Variants in CALM3 observed in about 807,000 individuals in gnomAD.
The protein encoded by CALM3 is calmodulin 3.
CALM3 carries 5 observed loss-of-function variants against 20.1 expected under a neutral mutation model. The ratio of observed to expected loss-of-function variants is 0.25; its 90% CI spans 0.13 to 0.52. The LOEUF is 0.52. Ranked by LOEUF, CALM3 falls within the 20% of genes least tolerant of loss-of-function variation. CALM3 has a pLI of 0.96. For synonymous variants in CALM3, 69 were observed against 68.1 expected, an observed-to-expected ratio of 1.01 and a Z score of -0.06; for missense variants, 57 against 192.8, an observed-to-expected ratio of 0.30 and a Z score of 4.17.
chr19:46,607,495 C>T (rs151007345), intron 2 of CALM3, among the ~76,000 whole-genome samples: 169 of 152,308 alleles, frequency 1.1e-3, no homozygotes, highest in African/African-American at 3.5e-3. Context: ...GCCCCTGATG[C>T]GGCCCCAGCT....
Position 46,601,491 on chromosome 19 carries a change from G to A in CALM3, c.3+54G>A. ...TGCGGGCTCTGAGGCGGGCTTAACG[G>A]GGCAGGACCCCTGAGGGGGCGACAG... On this transcript the variant is annotated intron_variant, in intron 1 of 5. Coordinates refer to ENST00000291295, the MANE Select transcript of CALM3 (RefSeq NM_005184.4). This position sits in a 1 kb window ranked among gnomAD's most constrained non-coding sequence, Gnocchi z 4.2. 1 of 1,410,056 alleles carries A rather than the reference G, an allele frequency of 7.1e-7. No homozygotes were observed. Among genetic ancestry groups the A allele is most frequent in the Non-Finnish European group, 9.3e-7 (1 of 1,075,052 alleles). 87.3% of individuals were successfully genotyped at this position (1,410,056 alleles called of 1,614,324 possible).
rs907148095 is a variant in CALM3 at position 46,602,357 on chromosome 19, T to A, written c.3+920T>A. On this transcript the variant is annotated intron_variant, in intron 1 of 5. Transcript: ENST00000291295. ...TTTTAACGGGGTGGGAGTGTTGTGT[T>A]TGGGTCCAAGAGAAGATGGATTTCC... is the stretch of plus-strand genomic sequence containing the variant. The A allele has an allele frequency of 3.6e-5, 15 of 419,226 alleles. No individual in the cohort carries two copies. In the East Asian group the frequency reaches 1.5e-3, roughly 41 times the overall value. The allele number at this position is 419,226 out of a possible 1,614,324, so 26.0% of individuals were successfully genotyped here. A position where few individuals can be genotyped will look rare whatever the true frequency, so the allele number is the denominator to read the frequency against.
rs1396318230 is a variant in CALM3 at position 46,601,951 on chromosome 19, G to T, written c.3+514G>T. ...GTGGAGGGTAGCTGGGCCCGGGCGG[G>T]GAGGGGCGACCCCTGGGCTCCTGTG... On this transcript the variant is annotated intron_variant, in intron 1 of 5. Transcript: ENST00000291295. This position sits in a 1 kb window ranked among gnomAD's most constrained non-coding sequence, Gnocchi z 4.2. 8.4e-6 allele frequency: 4 copies of T among 474,690 alleles called. No individual in the cohort carries two copies. The highest frequency in any genetic ancestry group is 1.4e-5 in the Non-Finnish European group (4 of 287,840). The allele number at this position is 474,690 out of a possible 1,614,324, so 29.4% of individuals were successfully genotyped here.
rs1358246140 is a variant in CALM3 at position 46,608,454 on chromosome 19, C to A, written c.179-28C>A. ...TGTCTCTCAGGGCCCAGGCCAAGAG[C>A]ATTCTCCATCCTTTCCCCACCTTCC... On this transcript the variant is annotated intron_variant, in intron 3 of 5. Coordinates refer to ENST00000291295, the MANE Select transcript of CALM3 (RefSeq NM_005184.4). This position sits in a 1 kb window ranked among gnomAD's most constrained non-coding sequence, Gnocchi z 5.5. The A allele has an allele frequency of 3.1e-6, 5 of 1,609,536 alleles. No homozygotes were observed. The highest frequency in any genetic ancestry group is 1.3e-5 in the African/African-American group (1 of 74,956).
upstream of CALM3, chr19:46,601,188 G>T: frequency 2.4e-6 from 1 of 424,246 alleles, no homozygotes. This position sits in a 1 kb window ranked among gnomAD's most constrained non-coding sequence, Gnocchi z 4.2. Flanking sequence ...TGTGGAGCGG[G>T]GCGCGGAGGG....
rs1378294772 is a variant in CALM3 at position 46,610,690 on chromosome 19, TG to T, written c.*1538del. On this transcript the variant is annotated 3_prime_UTR_variant, in exon 6 of 6. Transcript: ENST00000291295. ...GGACATTTTCGGAATGTTTTGGTTT[TG>T]TTTTTTTTAAACCGGGCAATATTGT... 8.5e-5 allele frequency: 13 copies of T among 152,600 alleles called. No homozygotes were observed. Among genetic ancestry groups the T allele is most frequent in the African/African-American group, 3.1e-4 (13 of 41,414 alleles). 9.5% of individuals were successfully genotyped at this position (152,600 alleles called of 1,614,324 possible). A position where few individuals can be genotyped will look rare whatever the true frequency, so the allele number is the denominator to read the frequency against.
At chr19:46,602,009 C>A in intron 1 of CALM3, 1 of 962,414 alleles carries the variant, frequency 1.0e-6, no homozygotes, top group Non-Finnish European at 1.4e-6. Context: ...TGGGCGGTCA[C>A]TTCTACAGAT....
At chr19:46,601,229 G>A (rs1367411769), upstream of CALM3, 2 of 276,650 alleles carry the variant, frequency 7.2e-6, no homozygotes, top group African/African-American at 2.3e-5. This position sits in a 1 kb window ranked among gnomAD's most constrained non-coding sequence, Gnocchi z 4.2. Flanking sequence ...GGCGGCGCGC[G>A]GGCCGGGTGG....
Position 46,605,704 on chromosome 19 carries a change from C to T in CALM3, c.4-123C>T, listed in dbSNP as rs1971727970. The T allele has an allele frequency of 2.3e-6, 2 of 880,194 alleles. No homozygotes were observed. The highest frequency in any genetic ancestry group is 3.8e-5 in the Admixed American group (2 of 53,298). The allele number at this position is 880,194 out of a possible 1,614,324, so 54.5% of individuals were successfully genotyped here. A position where few individuals can be genotyped will look rare whatever the true frequency, so the allele number is the denominator to read the frequency against. ...AGACCCTGACTCTGGCATGCTCCTCCCTGGCCCGGCGGGAATGGCACGTGG... is the reference window on the plus strand; with the variant it reads ...AGACCCTGACTCTGGCATGCTCCTCTCTGGCCCGGCGGGAATGGCACGTGG... On this transcript the variant is annotated intron_variant, in intron 1 of 5. Transcript: ENST00000291295. The surrounding 1 kb of genome is among the most constrained non-coding windows in gnomAD (Gnocchi z 4.1).
chr19:46,608,258 G>A lies in CALM3; in HGVS notation c.96G>A (p.Glu32=). 1 of 1,614,132 alleles carries A rather than the reference G, an allele frequency of 6.2e-7. No individual in the cohort carries two copies. The highest frequency in any genetic ancestry group is 8.5e-7 in the Non-Finnish European group (1 of 1,179,978). The stretch of plus-strand genomic sequence containing the variant: ...GAGATGGCACTATCACCACCAAGGA[G>A]TTGGGGACAGTGATGAGATCCCTGG... ...KDGDGTITTK[E]LGTVMRSLGQ... is the part of the protein sequence containing the mutation. The change falls in exon 3 of 6, where the codon GAG becomes GAA. Residue 32 remains glutamate, a synonymous_variant. Coordinates refer to ENST00000291295, the MANE Select transcript of CALM3 (RefSeq NM_005184.4). This position sits in a 1 kb window ranked among gnomAD's most constrained non-coding sequence, Gnocchi z 5.5.
chr19:46,607,870 A>T (rs1187333293), intron 2 of CALM3: 3 of 225,072 alleles, frequency 1.3e-5, no homozygotes, highest in Non-Finnish European at 2.6e-5. Flanking sequence ...TTCAAGGGAG[A>T]AGTCAAAGCC....
intron 1 of CALM3, chr19:46,602,166 C>T (rs1213719070): frequency 4.4e-6 from 6 of 1,348,550 alleles, no homozygotes; most frequent in Non-Finnish European, 5.9e-6. Context: ...TGAAGGCTTC[C>T]GGGACGGAGA....
At chr19:46,606,401 G>T (rs936871101) in intron 2 of CALM3, 1 of 152,918 alleles carries the variant, frequency 6.5e-6, no homozygotes, top group African/African-American at 2.4e-5. Context: ...TCCCCTCGGG[G>T]AGGCCTTCCC....
Position 46,605,875 on chromosome 19 carries a change from C to G in CALM3, c.34+18C>G, listed in dbSNP as rs762004724. On this transcript the variant is annotated intron_variant, in intron 2 of 5. Transcript: ENST00000291295. The surrounding 1 kb of genome is among the most constrained non-coding windows in gnomAD (Gnocchi z 4.1). ...GATTGCAGGTGAGTCTGCTATCCCCCTCATCTTAGCTCAGGAAAGCCTCCA... is the reference window on the plus strand; with the variant it reads ...GATTGCAGGTGAGTCTGCTATCCCCGTCATCTTAGCTCAGGAAAGCCTCCA... 5.0e-6 allele frequency: 8 copies of G among 1,613,326 alleles called. No individual in the cohort carries two copies. The highest frequency in any genetic ancestry group is 6.8e-6 in the Non-Finnish European group (8 of 1,179,308).
At chr19:46,604,542 G>A (rs951258568) in intron 1 of CALM3, among the ~76,000 whole-genome samples, 3 of 124,806 alleles carry the variant, frequency 2.4e-5, no homozygotes, top group Admixed American at 9.0e-5. Context: ...TTCTTCTTCC[G>A]TTAGGTTTTT....
chr19:46,601,306 GC>G, upstream of CALM3: 1 of 841,118 alleles, frequency 1.2e-6, no homozygotes, highest in Non-Finnish European at 1.6e-6. This position sits in a 1 kb window ranked among gnomAD's most constrained non-coding sequence, Gnocchi z 4.2. Context: ...GGAGGCGGCG[GC>G]GGCGGCGGCG....
Position 46,609,100 on chromosome 19 carries a change from C to T in CALM3, c.422-25C>T, listed in dbSNP as rs373393026. On this transcript the variant is annotated intron_variant, in intron 5 of 5. Coordinates refer to ENST00000291295, the MANE Select transcript of CALM3 (RefSeq NM_005184.4). ...GCCACTTAGCCTGCCCGCCTGACCT[C>T]CTCTCTCTCTGCTTCACTCCACAGA... 26 of 1,613,788 alleles carry T rather than the reference C, an allele frequency of 1.6e-5. No individual in the cohort carries two copies. The African/African-American group carries it at 2.8e-4, about 17-fold the overall frequency.
At position 46,609,242 on chromosome 19, in the gene CALM3, C is replaced by T. The variant is rs538139194; in HGVS notation, c.*89C>T. 73 of 1,209,100 alleles carry T rather than the reference C, an allele frequency of 6.0e-5. No homozygotes were observed. Among genetic ancestry groups the T allele is most frequent in the East Asian group, 3.0e-4 (12 of 39,960 alleles). The allele number at this position is 1,209,100 out of a possible 1,614,324, so 74.9% of individuals were successfully genotyped here. ...CTCTTCAACACTCCCCTGCGTACCC[C>T]GGTTCTAGCAAACACCAATTGATTG... On this transcript the variant is annotated 3_prime_UTR_variant, in exon 6 of 6. Transcript: ENST00000291295.
rs764944151 is a variant in CALM3 at position 46,608,357 on chromosome 19, G to T, written c.178+17G>T. 6.2e-7 allele frequency: 1 copy of T among 1,613,582 alleles called. No homozygotes were observed. The highest frequency in any genetic ancestry group is 1.1e-5 in the South Asian group (1 of 91,038). ...ATGCAGATGGTGAGCCCCACAGAGCGCGTGGGCAGCCCTGCTCCTGGTCAC... is the reference window on the plus strand; with the variant it reads ...ATGCAGATGGTGAGCCCCACAGAGCTCGTGGGCAGCCCTGCTCCTGGTCAC... On this transcript the variant is annotated intron_variant, in intron 3 of 5. Coordinates refer to ENST00000291295, the MANE Select transcript of CALM3 (RefSeq NM_005184.4). This position sits in a 1 kb window ranked among gnomAD's most constrained non-coding sequence, Gnocchi z 5.5.
Sources: allele counts gnomAD v4.1 joint callset (sites outside exome capture counted in the v4.1 genomes callset), GRCh38; gene constraint gnomAD v4.1.1; non-coding constraint Gnocchi (gnomAD v3.1); transcripts MANE v1.5; gene names NCBI Gene and HGNC (gene_info 2026-07-23, HGNC 2026-07-21).